XPOT: variants seen among roughly 807,000 people sequenced by gnomAD.
The protein encoded by XPOT is exportin for tRNA, also known as exportin-T.
XPOT carries 34 observed loss-of-function variants against 128.2 expected under a neutral mutation model. That is an observed-to-expected ratio of 0.27 (90% CI 0.20 to 0.35). The LOEUF is 0.35. Among genes scored for constraint, XPOT ranks in the 10% least tolerant of loss-of-function variants. The pLI is 1.00. For synonymous variants in XPOT, 348 were observed against 394.3 expected (o/e 0.88, Z 1.39); for missense variants, 838 against 1,125.3 (o/e 0.74, Z 3.65).
chr12:64,447,926 T>TA (rs1298601580), intron 24 of XPOT, among the ~76,000 whole-genome samples, 179 bp from the exon 25 acceptor site: 1 of 152,188 alleles, frequency 6.6e-6, no homozygotes. Flanking sequence ...TATCTACACT[T>TA]ACCAAACTCT....
intron 2 of XPOT, among the ~76,000 whole-genome samples, chr12:64,414,596 G>A (rs1162145884): frequency 1.3e-5 from 2 of 152,224 alleles, no homozygotes; most frequent in East Asian, 3.9e-4. Flanking sequence ...CAGTAGTATG[G>A]CACTTGACAA....
intron 16 of XPOT, 80 bp from the exon 17 acceptor site, chr12:64,429,969 C>G (rs1478407797): frequency 7.8e-6 from 10 of 1,278,718 alleles, no homozygotes; most frequent in African/African-American, 1.5e-5. Flanking sequence ...ATTACATTTC[C>G]TGTTCCTAAT....
intron 15 of XPOT, among the ~76,000 whole-genome samples, chr12:64,427,811 A>AT (rs1371211528): frequency 2.0e-5 from 3 of 151,990 alleles, no homozygotes; most frequent in Non-Finnish European, 4.4e-5. Flanking sequence ...TACTAGTACT[A>AT]TTTTTTGCGA....
intron 7 of XPOT, 45 bp downstream of exon 7, chr12:64,420,299 G>A: frequency 3.1e-6 from 5 of 1,594,048 alleles, no homozygotes; most frequent in Non-Finnish European, 4.3e-6. Flanking sequence ...GTAAAATACA[G>A]TATCTAAAAC....
In XPOT at chr12:64,444,433, A is replaced by G. The variant is rs75597393; in HGVS notation, c.2806-642A>G. Among the ~76,000 whole-genome samples, 1,360 of 152,352 alleles carry G rather than the reference A, an allele frequency of 8.9e-3. 18 individuals carry two copies. The highest frequency in any genetic ancestry group is 0.031 in the African/African-American group (1,270 of 41,566). On this transcript the variant is annotated intron_variant, in intron 23 of 24. Transcript: ENST00000332707. Reference sequence around the variant, plus strand: ...AAATTCCTTTGACAGATAAATGGATAAACAAAATATGGTATATACATACAA... The same window carrying G: ...AAATTCCTTTGACAGATAAATGGATGAACAAAATATGGTATATACATACAA...
intron 15 of XPOT, among the ~76,000 whole-genome samples, chr12:64,426,407 G>C (rs1395876292): frequency 6.6e-6 from 1 of 151,994 alleles, no homozygotes; most frequent in African/African-American, 2.4e-5. Context: ...GGATGCAGCT[G>C]GAGGCCTTTA....
chr12:64,433,635 C>G, intron 19 of XPOT, 32 bp downstream of exon 19: 1 of 1,552,306 alleles, frequency 6.4e-7, no homozygotes, highest in Non-Finnish European at 8.7e-7. Flanking sequence ...AATTTGTCTG[C>G]TTAAGTCTGT....
In XPOT at chr12:64,404,481, T is replaced by TGCG. The variant is rs770410319; in HGVS notation, c.-382_-380dup. 4.7e-4 allele frequency: 74 copies of TGCG among 157,300 alleles called. 1 individual carries two copies. Among genetic ancestry groups the TGCG allele is most frequent in the South Asian group, 1.2e-3 (7 of 5,784 alleles). The allele number at this position is 157,300 out of a possible 1,614,324, so 9.7% of individuals were successfully genotyped here. A position where few individuals can be genotyped will look rare whatever the true frequency, so the allele number is the denominator to read the frequency against. ...GCGCTGACTCAGCGGCGGCGGCGGCTGCGGCGGCGGCGGCGGCGTTAGCCG... is the reference window on the plus strand; with the variant it reads ...GCGCTGACTCAGCGGCGGCGGCGGCTGCGGCGGCGGCGGCGGCGGCGTTAGCCG... On this transcript the variant is annotated 5_prime_UTR_variant, in exon 1 of 25. Transcript: ENST00000332707.
chr12:64,420,639 T>G, intron 8 of XPOT, 118 bp downstream of exon 8: 1 of 797,164 alleles, frequency 1.3e-6, no homozygotes. Flanking sequence ...CCCCTTGAGA[T>G]TATAATATAA....
At chr12:64,409,457 C>T (rs1435250598) in intron 1 of XPOT, among the ~76,000 whole-genome samples, 1 of 152,110 alleles carries the variant, frequency 6.6e-6, no homozygotes, top group African/African-American at 2.4e-5. Context: ...TTTTAGGGGC[C>T]AGGTGGGGTG....
chr12:64,432,425 T>C (rs1295429470), intron 18 of XPOT, among the ~76,000 whole-genome samples: 1 of 152,156 alleles, frequency 6.6e-6, no homozygotes, highest in Admixed American at 6.5e-5. Flanking sequence ...TTTGTACTTT[T>C]AGTAGAGACA....
intron 9 of XPOT, 66 bp from the exon 10 acceptor site, chr12:64,422,938 GA>G: frequency 6.9e-7 from 1 of 1,440,806 alleles, no homozygotes; most frequent in Non-Finnish European, 9.5e-7. Flanking sequence ...TAATTGATTC[GA>G]AAAATGTTCT....
chr12:64,425,318 C>G lies in XPOT; in HGVS notation c.1453-20C>G, dbSNP rs779725077. On this transcript the variant is annotated intron_variant, in intron 13 of 24. Coordinates refer to ENST00000332707, the MANE Select transcript of XPOT (RefSeq NM_007235.6). ...GTTGCAATAAATAAGAAGAGGTTTC[C>G]TAACTTTTTCCTGATCTAGCTGGTA... 5 of 1,611,454 alleles carry G rather than the reference C, an allele frequency of 3.1e-6. No homozygotes were observed. Among genetic ancestry groups the G allele is most frequent in the Non-Finnish European group, 4.2e-6 (5 of 1,179,216 alleles).
At chr12:64,447,796 A>G (rs1439015803) in intron 24 of XPOT, among the ~76,000 whole-genome samples, 2 of 152,172 alleles carry the variant, frequency 1.3e-5, no homozygotes, top group East Asian at 3.9e-4. Context: ...ATTTGGAAAT[A>G]GTACCAATCA....
intron 3 of XPOT, among the ~76,000 whole-genome samples, chr12:64,415,879 T>G (rs1160219367): frequency 6.6e-6 from 1 of 152,192 alleles, no homozygotes; most frequent in Non-Finnish European, 1.5e-5. Context: ...TTTAAGATAT[T>G]TGTCCCCGCC....
intron 11 of XPOT, among the ~76,000 whole-genome samples, 170 bp from the exon 12 acceptor site, chr12:64,424,428 CA>C (rs2040171116): frequency 6.6e-6 from 1 of 152,088 alleles, no homozygotes; most frequent in South Asian, 2.1e-4. Flanking sequence ...TGGATATTTA[CA>C]TGAATTTTAA....
At chr12:64,435,294 A>G (rs568804248) in intron 21 of XPOT, among the ~76,000 whole-genome samples, 1 of 152,290 alleles carries the variant, frequency 6.6e-6, no homozygotes, top group South Asian at 2.1e-4. Context: ...TCCTCCTTGT[A>G]TGATAGTTTC....
At chr12:64,424,198 T>A (rs1213568602) in intron 11 of XPOT, among the ~76,000 whole-genome samples, 5 of 152,166 alleles carry the variant, frequency 3.3e-5, no homozygotes, top group Non-Finnish European at 7.3e-5. Flanking sequence ...CAAGAATAAA[T>A]AAGGTGCAAA....
chr12:64,408,411 C>G (rs953205516), intron 1 of XPOT, among the ~76,000 whole-genome samples: 1 of 152,064 alleles, frequency 6.6e-6, no homozygotes, highest in African/African-American at 2.4e-5. Context: ...CCTGGCCCCC[C>G]ACAGCGTTTA....
Sources: gnomAD v4.1 joint callset for allele counts (sites outside exome capture counted in the v4.1 genomes callset) on GRCh38, gnomAD v4.1.1 for gene constraint, MANE v1.5 for transcripts, NCBI Gene and HGNC (gene_info 2026-07-23, HGNC 2026-07-21) for gene names.